SDK1: variants seen among roughly 807,000 people sequenced by gnomAD.
SDK1 encodes sidekick cell adhesion molecule 1.
A neutral mutation model predicts 245.5 loss-of-function variants in SDK1; 157 were observed. The observed-to-expected ratio is 0.64, with a 90% CI of 0.56 to 0.73. The LOEUF (loss-of-function observed/expected upper bound fraction) is 0.73, where lower values mean the gene tolerates loss of function less well. Ranked by LOEUF, SDK1 falls within the 30% of genes least tolerant of loss-of-function variation. The pLI, the probability that SDK1 is intolerant of heterozygous loss-of-function variation, is 0.00. For synonymous variants in SDK1, 1,647 were observed against 1,278.5 expected, an observed-to-expected ratio of 1.29 and a Z score of -6.15; for missense variants, 3,583 against 3,002.3, an observed-to-expected ratio of 1.19 and a Z score of -4.52.
In SDK1 at chr7:4,110,720, C is replaced by A; in HGVS notation, c.3382C>A (p.Pro1128Thr). 6.2e-7 allele frequency: 1 copy of A among 1,613,950 alleles called. No homozygotes were observed. Among genetic ancestry groups the A allele is most frequent in the South Asian group, 1.1e-5 (1 of 91,080 alleles). Residue 1128 changes from proline to threonine, a missense_variant, in exon 23 of 45, where the codon CCT (proline) becomes ACT (threonine). Coordinates refer to ENST00000404826, the MANE Select transcript of SDK1 (RefSeq NM_152744.4). Reference protein sequence around the residue: ...WVTLYEEENEPDAQMLEIPNL... With the variant: ...WVTLYEEENETDAQMLEIPNL... Reference sequence around the variant, plus strand: ...CACCCTCTATGAAGAGGAGAATGAGCCTGATGCCCAGATGCTGGAGATCCC... The same window carrying A: ...CACCCTCTATGAAGAGGAGAATGAGACTGATGCCCAGATGCTGGAGATCCC...
intron 44 of SDK1, among the ~76,000 whole-genome samples, chr7:4,248,865 G>A (rs74223549): frequency 9.2e-4 from 139 of 151,564 alleles, no homozygotes; most frequent in Non-Finnish European, 1.3e-3. Context: ...ATATATACAC[G>A]TGCATGCATA....
intron 13 of SDK1, among the ~76,000 whole-genome samples, chr7:3,985,469 C>T (rs139896403): frequency 9.0e-4 from 137 of 152,162 alleles, no homozygotes; most frequent in African/African-American, 2.9e-3. Flanking sequence ...AATGGAGATT[C>T]GGTTATTGGA....
intron 1 of SDK1, among the ~76,000 whole-genome samples, chr7:3,405,180 A>C (rs898436087): frequency 5.4e-5 from 8 of 147,250 alleles, no homozygotes; most frequent in South Asian, 4.4e-4. Context: ...ACAAAAACAA[A>C]AACAAAAAAC....
intron 1 of SDK1, chr7:3,475,920 T>A (rs1189136109): frequency 6.6e-6 from 1 of 152,648 alleles, no homozygotes; most frequent in Non-Finnish European, 1.5e-5. Flanking sequence ...ACATTTTGAC[T>A]TTCCCTTTAA....
intron 4 of SDK1, among the ~76,000 whole-genome samples, chr7:3,818,560 A>G (rs1334663608): frequency 6.6e-6 from 1 of 152,224 alleles, no homozygotes; most frequent in Non-Finnish European, 1.5e-5. Context: ...TGCAGTGCAT[A>G]GAACCCTTAA....
At chr7:3,473,073 G>C (rs1781233816) in intron 1 of SDK1, among the ~76,000 whole-genome samples, 1 of 151,966 alleles carries the variant, frequency 6.6e-6, no homozygotes, top group Non-Finnish European at 1.5e-5. Flanking sequence ...GGCTTCTTAC[G>C]ATTTTGAAAT....
At chr7:3,733,664 C>G (rs1229964714) in intron 4 of SDK1, among the ~76,000 whole-genome samples, 1 of 152,058 alleles carries the variant, frequency 6.6e-6, no homozygotes, top group Non-Finnish European at 1.5e-5. Context: ...ACTACAGTGA[C>G]TAGTAATGAA....
intron 1 of SDK1, among the ~76,000 whole-genome samples, chr7:3,395,051 G>C (rs1004352302): frequency 6.6e-6 from 1 of 151,958 alleles, no homozygotes; most frequent in African/African-American, 2.4e-5. Context: ...GGAGATGAGA[G>C]TGGACATCTG....
chr7:3,706,910 C>T (rs936512571), intron 4 of SDK1, among the ~76,000 whole-genome samples: 4 of 152,136 alleles, frequency 2.6e-5, no homozygotes, highest in African/African-American at 9.7e-5. Flanking sequence ...TGTAATGTCT[C>T]TAGTTTTATT....
At chr7:4,105,239 T>C (rs1241608596) in intron 22 of SDK1, among the ~76,000 whole-genome samples, 2 of 152,118 alleles carry the variant, frequency 1.3e-5, no homozygotes, top group Non-Finnish European at 2.9e-5. Flanking sequence ...TGCCTTGGTC[T>C]CCCAAAGTGC....
rs374078392 is a variant in SDK1 at position 3,319,250 on chromosome 7, G to T, written c.298+17366G>T. ...TCAGAGTACAAGCAGTTTAGCTGTG[G>T]GAAGCCCCCACCCTTTTCCACAGGA... is the stretch of plus-strand genomic sequence containing the variant. On this transcript the variant is annotated intron_variant, in intron 1 of 44. Coordinates refer to ENST00000404826, the MANE Select transcript of SDK1 (RefSeq NM_152744.4). Among the ~76,000 whole-genome samples, 28 of 152,262 alleles carry T rather than the reference G, an allele frequency of 1.8e-4. 1 individual carries two copies. The highest frequency in any genetic ancestry group is 5.2e-4 in the Admixed American group (8 of 15,290).
chr7:3,518,497 AG>A (rs1782822588), intron 1 of SDK1, among the ~76,000 whole-genome samples: 2 of 151,856 alleles, frequency 1.3e-5, no homozygotes, highest in African/African-American at 4.8e-5. Flanking sequence ...GAAAAAAAAA[AG>A]AAAGATTAAA....
chr7:3,326,828 G>A (rs2128549455), intron 1 of SDK1, among the ~76,000 whole-genome samples: 1 of 152,126 alleles, frequency 6.6e-6, no homozygotes, highest in African/African-American at 2.4e-5. Context: ...TGAAGCAAGA[G>A]GCTTCTCAGG....
At chr7:3,797,672 A>T (rs1583423804) in intron 4 of SDK1, among the ~76,000 whole-genome samples, 1 of 152,070 alleles carries the variant, frequency 6.6e-6, no homozygotes, top group South Asian at 2.1e-4. Context: ...GTTTTTCCAC[A>T]ATTTCTTTTC....
intron 1 of SDK1, among the ~76,000 whole-genome samples, chr7:3,575,547 T>C (rs1240133230): frequency 6.6e-6 from 1 of 151,970 alleles, no homozygotes; most frequent in African/African-American, 2.4e-5. Context: ...GACACCCACA[T>C]TGGCTGTAGA....
At chr7:3,552,332 C>G (rs976101682) in intron 1 of SDK1, among the ~76,000 whole-genome samples, 7 of 152,166 alleles carry the variant, frequency 4.6e-5, no homozygotes. Flanking sequence ...TGAGCCACCG[C>G]GCCCAGCTGA....
At chr7:3,926,698 C>T (rs1323455809) in intron 5 of SDK1, among the ~76,000 whole-genome samples, 1 of 152,182 alleles carries the variant, frequency 6.6e-6, no homozygotes, top group Non-Finnish European at 1.5e-5. Context: ...TTAGACTCAT[C>T]CCTTAAAGCC....
At chr7:3,936,793 G>A (rs1780177333) in intron 5 of SDK1, among the ~76,000 whole-genome samples, 1 of 152,214 alleles carries the variant, frequency 6.6e-6, no homozygotes, top group Admixed American at 6.5e-5. Context: ...AAGCCTGCCT[G>A]GAGGAGGCGC....
chr7:3,551,443 C>G (rs745450717), intron 1 of SDK1, among the ~76,000 whole-genome samples: 1 of 152,170 alleles, frequency 6.6e-6, no homozygotes, highest in Non-Finnish European at 1.5e-5. Context: ...TTGGGTCAAG[C>G]AAGCCTAAAG....
Sources: allele counts gnomAD v4.1 joint callset (sites outside exome capture counted in the v4.1 genomes callset), GRCh38; gene constraint gnomAD v4.1.1; transcripts MANE v1.5; gene names NCBI Gene and HGNC (gene_info 2026-07-23, HGNC 2026-07-21).